The following CARMIL1 variants were observed in gnomAD, a reference collection of about 807,000 sequenced individuals.
CARMIL1 encodes F-actin-uncapping protein LRRC16A.
In CARMIL1, 90 loss-of-function variants were observed where a neutral mutation model predicts 177.1. That is an observed-to-expected ratio of 0.51 (90% confidence interval 0.43 to 0.61). The LOEUF is 0.61. CARMIL1 is among the 20% of genes least tolerant of loss of function. The pLI is 0.00. For synonymous variants in CARMIL1, 577 were observed against 606.2 expected, an observed-to-expected ratio of 0.95 and a Z score of 0.71; for missense variants, 1,380 against 1,667.0, an observed-to-expected ratio of 0.83 and a Z score of 3.00.
intron 2 of CARMIL1, among the ~76,000 whole-genome samples, chr6:25,401,284 A>G (rs939212153): frequency 6.6e-6 from 1 of 151,960 alleles, no homozygotes; most frequent in African/African-American, 2.4e-5. Context: ...ATACACAAAC[A>G]CACACACACA....
At chr6:25,571,105 T>G (rs12663643) in intron 29 of CARMIL1, among the ~76,000 whole-genome samples, 25,665 of 152,102 alleles carry the variant, frequency 0.17, 2,437 homozygotes, top group East Asian at 0.4. Flanking sequence ...AGTTTTCTCG[T>G]TGAGCTGAAA....
At position 25,326,743 on chromosome 6, in the gene CARMIL1, G is replaced by A. The variant is rs187010528; in HGVS notation, c.138+41834G>A. On this transcript the variant is annotated intron_variant, in intron 2 of 36. Coordinates refer to ENST00000329474, the MANE Select transcript of CARMIL1 (RefSeq NM_017640.6). The surrounding 1 kb of genome is among the most constrained non-coding windows in gnomAD (Gnocchi z 4.2). ...AGATGGTAAGCAGTAGATGGATTCT[G>A]GTGTATGTTTTGAAGGTAGGGATGA... Among the ~76,000 whole-genome samples the A allele has an allele frequency of 8.5e-5, 13 of 152,184 alleles. No individual in the cohort carries two copies. Among genetic ancestry groups the A allele is most frequent in the Admixed American group, 6.5e-4 (10 of 15,272 alleles).
intron 8 of CARMIL1, among the ~76,000 whole-genome samples, chr6:25,454,233 C>G (rs1016486119): frequency 1.3e-5 from 2 of 152,268 alleles, no homozygotes; most frequent in Non-Finnish European, 2.9e-5. Context: ...TATTGAGACT[C>G]TAGTGGAGGA....
At chr6:25,580,142 G>T (rs954069919) in intron 29 of CARMIL1, among the ~76,000 whole-genome samples, 1 of 152,142 alleles carries the variant, frequency 6.6e-6, no homozygotes, top group Non-Finnish European at 1.5e-5. Context: ...CACCATGAAT[G>T]TTAGCCTTTG....
chr6:25,487,697 C>T (rs528094306), intron 12 of CARMIL1, among the ~76,000 whole-genome samples: 5 of 152,242 alleles, frequency 3.3e-5, no homozygotes, highest in African/African-American at 4.8e-5. Context: ...CAAAGAGCTC[C>T]TTTTCCCTTC....
chr6:25,500,799 G>C (rs565835132), intron 17 of CARMIL1, among the ~76,000 whole-genome samples: 167 of 151,390 alleles, frequency 1.1e-3, no homozygotes, highest in African/African-American at 3.6e-3. Context: ...ATGGAGTTTT[G>C]TTTTGTCGCC....
At chr6:25,439,465 G>C (rs1797533481) in intron 5 of CARMIL1, among the ~76,000 whole-genome samples, 1 of 152,200 alleles carries the variant, frequency 6.6e-6, no homozygotes, top group Non-Finnish European at 1.5e-5. Context: ...AACACTTAGA[G>C]GTCAGGTAAA....
chr6:25,316,962 C>CATT (rs1561975613), intron 2 of CARMIL1, among the ~76,000 whole-genome samples: 1 of 152,162 alleles, frequency 6.6e-6, no homozygotes, highest in African/African-American at 2.4e-5. Context: ...TAAGATTTAG[C>CATT]ATTAGGCCCT....
rs1808755558 is a variant in CARMIL1 at position 25,540,217 on chromosome 6, G to T, written c.2328+139G>T. 1.7e-5 allele frequency: 13 copies of T among 769,888 alleles called. No individual in the cohort carries two copies. The South Asian group carries it at 4.5e-4, about 27-fold the overall frequency. 47.7% of individuals were successfully genotyped at this position (769,888 alleles called of 1,614,324 possible). A position where few individuals can be genotyped will look rare whatever the true frequency, so the allele number is the denominator to read the frequency against. On this transcript the variant is annotated intron_variant, in intron 26 of 36. Transcript: ENST00000329474. ...AGATGTAGTAAAAATTGAATACTGTGTCTTTTCCAGCTTCATTATAAGTTT... is the reference window on the plus strand; with the variant it reads ...AGATGTAGTAAAAATTGAATACTGTTTCTTTTCCAGCTTCATTATAAGTTT...
intron 20 of CARMIL1, among the ~76,000 whole-genome samples, chr6:25,513,695 A>G (rs536684696): frequency 3.3e-4 from 51 of 152,292 alleles, no homozygotes; most frequent in Non-Finnish European, 5.7e-4. Flanking sequence ...GTAGACACAG[A>G]CAAACCCCAG....
intron 2 of CARMIL1, among the ~76,000 whole-genome samples, chr6:25,393,727 A>G (rs1191296295): frequency 6.8e-6 from 1 of 147,120 alleles, no homozygotes; most frequent in Non-Finnish European, 1.5e-5. Context: ...TTTTTTTTTA[A>G]TTAGCTGTAG....
At position 25,551,157 on chromosome 6, in the gene CARMIL1, G is replaced by T. The variant is rs74854607; in HGVS notation, c.2504+72G>T. On this transcript the variant is annotated intron_variant, in intron 27 of 36. Coordinates refer to ENST00000329474, the MANE Select transcript of CARMIL1 (RefSeq NM_017640.6). ...TGCAGTCGAGGCAGCTGTAAAGAGG[G>T]TTATTGTTGGCTGTATCCATATATA... 510 of 1,210,040 alleles carry T rather than the reference G, an allele frequency of 4.2e-4. 2 individuals carry two copies. In the African/African-American group the frequency reaches 7.3e-3, roughly 17 times the overall value. 75.0% of individuals were successfully genotyped at this position (1,210,040 alleles called of 1,614,324 possible). A position where few individuals can be genotyped will look rare whatever the true frequency, so the allele number is the denominator to read the frequency against.
chr6:25,481,928 G>A (rs958572984), intron 11 of CARMIL1, among the ~76,000 whole-genome samples: 1 of 152,134 alleles, frequency 6.6e-6, no homozygotes. Context: ...AAAAAGAAAA[G>A]GGGTTAACAA....
rs2150256234 is a variant in CARMIL1 at position 25,326,363 on chromosome 6, C to CT, written c.138+41455dup. 6.6e-6 allele frequency among the ~76,000 whole-genome samples: 1 copy of CT among 152,236 alleles called. No homozygotes were observed. The highest frequency in any genetic ancestry group is 1.5e-5 in the Non-Finnish European group (1 of 68,022). Reference sequence around the variant, plus strand: ...GCATCGGGATATCCAAGAAGTCATGCTGGATTACATATACTGGTCAGTAAG... The same window carrying CT: ...GCATCGGGATATCCAAGAAGTCATGCTTGGATTACATATACTGGTCAGTAAG... On this transcript the variant is annotated intron_variant, in intron 2 of 36. Coordinates refer to ENST00000329474, the MANE Select transcript of CARMIL1 (RefSeq NM_017640.6). The surrounding 1 kb of genome is among the most constrained non-coding windows in gnomAD (Gnocchi z 4.2).
At chr6:25,500,331 T>A in intron 17 of CARMIL1, 96 bp downstream of exon 17, 1 of 1,004,274 alleles carries the variant, frequency 1.0e-6, no homozygotes, top group Non-Finnish European at 1.5e-6. Flanking sequence ...TTCCACAGGG[T>A]GTAAATGAAG....
rs1017823218 is a variant in CARMIL1, at chr6:25,492,820, C to T, written c.1220+796C>T. Among the ~76,000 whole-genome samples, 14 of 152,200 alleles carry T rather than the reference C, an allele frequency of 9.2e-5. No homozygotes were observed. The East Asian group carries it at 2.7e-3, about 29-fold the overall frequency. ...ATTCAGTTTTGTAGCATGCTTTATT[C>T]CATAACTGTGCCTTGCAAATCAATT... On this transcript the variant is annotated intron_variant, in intron 15 of 36. Coordinates refer to ENST00000329474, the MANE Select transcript of CARMIL1 (RefSeq NM_017640.6).
At chr6:25,418,549 T>TAA (rs34839184) in intron 2 of CARMIL1, among the ~76,000 whole-genome samples, 45,153 of 146,542 alleles carry the variant, frequency 0.31, 7,529 homozygotes, top group East Asian at 0.53. Context: ...TAGGAGGGTG[T>TAA]AAAAAAAAAA....
At chr6:25,477,082 C>T (rs1295864547) in intron 11 of CARMIL1, among the ~76,000 whole-genome samples, 11 of 142,044 alleles carry the variant, frequency 7.7e-5, no homozygotes, top group African/African-American at 2.1e-4. Flanking sequence ...AGAGAAATTC[C>T]GTCTCAAAAA....
intron 13 of CARMIL1, among the ~76,000 whole-genome samples, chr6:25,489,765 A>G (rs958744946): frequency 6.6e-6 from 1 of 152,036 alleles, no homozygotes; most frequent in Non-Finnish European, 1.5e-5. Flanking sequence ...ACTTAAAATT[A>G]TTTAAATAAT....
Sources: allele counts gnomAD v4.1 joint callset (sites outside exome capture counted in the v4.1 genomes callset), GRCh38; gene constraint gnomAD v4.1.1; non-coding constraint Gnocchi (gnomAD v3.1); transcripts MANE v1.5; gene names NCBI Gene and HGNC (gene_info 2026-07-23, HGNC 2026-07-21).